Variants in ETV1 observed in about 807,000 individuals in gnomAD.
ETV1 encodes ETS variant transcription factor 1.
Under a neutral mutation model 62.3 loss-of-function variants are expected in ETV1, and 27 were observed. That is an observed-to-expected ratio of 0.43 (90% CI 0.32 to 0.60). The LOEUF (loss-of-function observed/expected upper bound fraction) is 0.60, where lower values mean the gene tolerates loss of function less well. Among genes scored for constraint, ETV1 ranks in the 20% least tolerant of loss-of-function variants. The pLI is 0.06. For synonymous variants in ETV1, 222 were observed against 199.6 expected (o/e 1.11, Z -0.94); for missense variants, 605 against 605.8 (o/e 1.00, Z 0.01).
chr7:13,954,539 A>G (rs1191651040), intron 6 of ETV1, among the ~76,000 whole-genome samples: 1 of 152,202 alleles, frequency 6.6e-6, no homozygotes, highest in Non-Finnish European at 1.5e-5. Context: ...GGATCTTTCA[A>G]TCTCAGTTTG....
intron 9 of ETV1, among the ~76,000 whole-genome samples, chr7:13,919,807 T>C (rs1013436587): frequency 6.6e-6 from 1 of 152,124 alleles, no homozygotes; most frequent in African/African-American, 2.4e-5. Context: ...TACTTAGTTA[T>C]GTAAACACTT....
chr7:13,891,678 T>A lies in ETV1; in HGVS notation c.*4188A>T, dbSNP rs10277320. 1.7e-5 allele frequency: 4 copies of A among 232,022 alleles called. No homozygotes were observed. The highest frequency in any genetic ancestry group is 3.4e-5 in the Non-Finnish European group (4 of 117,424). 14.4% of individuals were successfully genotyped at this position (232,022 alleles called of 1,614,324 possible). Reference sequence around the variant, plus strand: ...AACTGGGTGAAATTTTCTAGTATCATGCCCAACTATTACCATCTTTTTGAA... The same window carrying A: ...AACTGGGTGAAATTTTCTAGTATCAAGCCCAACTATTACCATCTTTTTGAA... On this transcript the variant is annotated 3_prime_UTR_variant, in exon 14 of 14. Coordinates refer to ENST00000430479, the MANE Select transcript of ETV1 (RefSeq NM_004956.5).
intron 6 of ETV1, among the ~76,000 whole-genome samples, chr7:13,952,221 T>A (rs938996359): frequency 6.6e-6 from 1 of 152,076 alleles, no homozygotes; most frequent in Non-Finnish European, 1.5e-5. Flanking sequence ...CTGTGCAACC[T>A]CCCTGGCCTT....
intron 6 of ETV1, among the ~76,000 whole-genome samples, chr7:13,951,652 A>G (rs1329337136): frequency 6.6e-6 from 1 of 152,222 alleles, no homozygotes; most frequent in Non-Finnish European, 1.5e-5. Flanking sequence ...TTTGCCACTT[A>G]CTAACTGAAG....
At position 13,984,908 on chromosome 7, in the gene ETV1, C is replaced by CA. The variant is rs1401554621; in HGVS notation, c.181+1729dup. Among the ~76,000 whole-genome samples the CA allele has an allele frequency of 1.8e-4, 18 of 99,442 alleles. 1 individual carries two copies. The South Asian group carries it at 4.8e-3, about 27-fold the overall frequency. 65.2% of individuals were successfully genotyped at this position (99,442 alleles called of 152,430 possible). On this transcript the variant is annotated intron_variant, in intron 5 of 13. Coordinates refer to ENST00000430479, the MANE Select transcript of ETV1 (RefSeq NM_004956.5). ...AATCACTTATCTGAGCTACAAGACA[C>CA]AAAACAAGTAAGTCAAAAGTTAAAA...
At chr7:13,915,960 A>T (rs2128426558) in intron 9 of ETV1, among the ~76,000 whole-genome samples, 1 of 152,356 alleles carries the variant, frequency 6.6e-6, no homozygotes, top group South Asian at 2.1e-4. Context: ...ATGTGAATGT[A>T]ACATCTTAGT....
chr7:13,912,573 C>A (rs940829207), intron 9 of ETV1, among the ~76,000 whole-genome samples: 1 of 152,134 alleles, frequency 6.6e-6, no homozygotes, highest in Admixed American at 6.5e-5. Flanking sequence ...AAAGGCCCAA[C>A]TTGTGAACTC....
chr7:13,897,625 G>C (rs778645115), intron 13 of ETV1, among the ~76,000 whole-genome samples: 2 of 152,132 alleles, frequency 1.3e-5, no homozygotes, highest in African/African-American at 4.8e-5. Flanking sequence ...GAAGTCTCCA[G>C]CACAGAGCAC....
At chr7:13,901,073 T>C (rs1425864564) in intron 12 of ETV1, among the ~76,000 whole-genome samples, 1 of 151,572 alleles carries the variant, frequency 6.6e-6, no homozygotes, top group African/African-American at 2.4e-5. Context: ...GGCGCGAACT[T>C]GGCTCACTGC....
chr7:13,981,620 G>T (rs568573113), intron 5 of ETV1, among the ~76,000 whole-genome samples: 1 of 151,392 alleles, frequency 6.6e-6, no homozygotes, highest in Non-Finnish European at 1.5e-5. Flanking sequence ...ATAAAACTAA[G>T]GAAGAAAAAA....
intron 13 of ETV1, among the ~76,000 whole-genome samples, chr7:13,899,501 G>A (rs1403955331): frequency 2.0e-5 from 3 of 152,070 alleles, no homozygotes; most frequent in Admixed American, 2.0e-4. Flanking sequence ...GCTATTTTTC[G>A]CTGCTCTAAT....
intron 6 of ETV1, among the ~76,000 whole-genome samples, chr7:13,958,231 T>C (rs1352589362): frequency 6.6e-6 from 1 of 152,134 alleles, no homozygotes; most frequent in African/African-American, 2.4e-5. Context: ...CTTTCCACTT[T>C]CTCCTCCCCA....
chr7:13,989,262 C>G lies in ETV1; in HGVS notation c.-88+6G>C, dbSNP rs960573530. On this transcript the variant is annotated splice_donor_region_variant and intron_variant, in intron 2 of 13. Coordinates refer to ENST00000430479, the MANE Select transcript of ETV1 (RefSeq NM_004956.5). ...AAAATAACCCTCCCTACACCGCCTCCTTCACCTGGATCCAAAGAGAGCCAA... is the reference window on the plus strand; with the variant it reads ...AAAATAACCCTCCCTACACCGCCTCGTTCACCTGGATCCAAAGAGAGCCAA... 5.4e-6 allele frequency: 3 copies of G among 554,194 alleles called. No individual in the cohort carries two copies. In the African/African-American group the frequency reaches 5.8e-5, roughly 11 times the overall value. The allele number at this position is 554,194 out of a possible 1,614,324, so 34.3% of individuals were successfully genotyped here. A position where few individuals can be genotyped will look rare whatever the true frequency, so the allele number is the denominator to read the frequency against.
In ETV1 at chr7:13,895,767, A is replaced by C; in HGVS notation, c.*99T>G. 1 of 822,656 alleles carries C rather than the reference A, an allele frequency of 1.2e-6. No homozygotes were observed. The allele number at this position is 822,656 out of a possible 1,614,324, so 51.0% of individuals were successfully genotyped here. ...TTTTGTGTATTATTATTTAAAAATA[A>C]AATACAAACAACAGAAATAAAACAA... is the stretch of plus-strand genomic sequence containing the variant. On this transcript the variant is annotated 3_prime_UTR_variant, in exon 14 of 14. Coordinates refer to ENST00000430479, the MANE Select transcript of ETV1 (RefSeq NM_004956.5).
At chr7:13,911,477 A>G (rs1416849431) in intron 9 of ETV1, among the ~76,000 whole-genome samples, 170 bp from the exon 10 acceptor site, 1 of 152,206 alleles carries the variant, frequency 6.6e-6, no homozygotes. Flanking sequence ...GAAATGAAAG[A>G]ATGAAGAGTA....
At chr7:13,917,318 ATTT>A (rs1784288305) in intron 9 of ETV1, among the ~76,000 whole-genome samples, 1 of 150,946 alleles carries the variant, frequency 6.6e-6, no homozygotes, top group Non-Finnish European at 1.5e-5. Flanking sequence ...TTATTTATTT[ATTT>A]ATTTATTTAT....
At chr7:13,971,848 C>T (rs1168152599) in intron 6 of ETV1, among the ~76,000 whole-genome samples, 1 of 152,186 alleles carries the variant, frequency 6.6e-6, no homozygotes, top group African/African-American at 2.4e-5. Context: ...CAGTGGCTCA[C>T]ACCTGTAATC....
chr7:13,962,835 T>C (rs1452907322), intron 6 of ETV1, among the ~76,000 whole-genome samples: 1 of 152,188 alleles, frequency 6.6e-6, no homozygotes, highest in South Asian at 2.1e-4. Context: ...ATAAAAATCA[T>C]TTTTGATAAA....
chr7:13,966,830 A>G (rs549081707), intron 6 of ETV1, among the ~76,000 whole-genome samples: 1 of 152,198 alleles, frequency 6.6e-6, no homozygotes, highest in Non-Finnish European at 1.5e-5. Context: ...AATTATATGC[A>G]GTAAGAACAT....
Sources: allele counts gnomAD v4.1 joint callset (sites outside exome capture counted in the v4.1 genomes callset), GRCh38; gene constraint gnomAD v4.1.1; transcripts MANE v1.5; gene names NCBI Gene and HGNC (gene_info 2026-07-23, HGNC 2026-07-21).